CAST: variants seen among roughly 807,000 people sequenced by gnomAD.
CAST encodes the protein calpastatin.
Under a neutral mutation model 119.6 loss-of-function variants are expected in CAST, and 76 were observed. That is an observed-to-expected ratio of 0.64 (90% CI 0.53 to 0.77). CAST has a LOEUF of 0.77. CAST is among the 30% of genes least tolerant of loss of function. The pLI, the probability that CAST is intolerant of heterozygous loss-of-function variation, is 0.00. For missense variants in CAST, 953 were observed against 946.5 expected (o/e 1.01, Z -0.09); for synonymous variants, 319 against 331.6 (o/e 0.96, Z 0.41).
At chr5:96,746,933 T>TA (rs1301549460) in intron 17 of CAST, among the ~76,000 whole-genome samples, 1 of 152,204 alleles carries the variant, frequency 6.6e-6, no homozygotes, top group Non-Finnish European at 1.5e-5. Context: ...GGAATATAGT[T>TA]ACAATTCTAA....
intron 1 of CAST, among the ~76,000 whole-genome samples, chr5:96,623,152 C>T (rs1489458020): frequency 6.6e-6 from 1 of 152,178 alleles, no homozygotes; most frequent in African/African-American, 2.4e-5. Context: ...GCATGAGCCA[C>T]TGCACCCAGC....
At chr5:96,492,026 T>C in the CAST span, among the ~76,000 whole-genome samples, 1 of 152,252 alleles carries the variant, frequency 6.6e-6, no homozygotes, top group Non-Finnish European at 1.5e-5. Context: ...GACTCTGGGA[T>C]GCTGGTAATA....
At chr5:96,361,321 C>G in the CAST span, among the ~76,000 whole-genome samples, 1 of 152,206 alleles carries the variant, frequency 6.6e-6, no homozygotes, top group East Asian at 1.9e-4. Context: ...GTTTCGGCCC[C>G]CTTTCCAGGG....
At chr5:96,662,873 C>T (rs969844704) in intron 1 of CAST, 1 of 569,394 alleles carries the variant, frequency 1.8e-6, no homozygotes, top group Non-Finnish European at 3.1e-6. Context: ...GCGCTAAGGC[C>T]GGGCCGCAGG....
intron 1 of CAST, among the ~76,000 whole-genome samples, chr5:96,652,604 C>G (rs1748108059): frequency 6.6e-6 from 1 of 152,212 alleles, no homozygotes; most frequent in African/African-American, 2.4e-5. Flanking sequence ...CTCTGTGTCA[C>G]AGAGCCTCCT....
At chr5:96,716,893 A>T (rs1757280883) in intron 3 of CAST, among the ~76,000 whole-genome samples, 1 of 152,208 alleles carries the variant, frequency 6.6e-6, no homozygotes, top group South Asian at 2.1e-4. Flanking sequence ...ATGATAAGAA[A>T]CTAGATGCTC....
the CAST span, among the ~76,000 whole-genome samples, chr5:96,305,472 C>T: frequency 1.3e-5 from 2 of 152,166 alleles, no homozygotes; most frequent in South Asian, 4.1e-4. Flanking sequence ...TTGACCTGGC[C>T]AGGACTTCCA....
chr5:96,515,468 T>A, the CAST span, among the ~76,000 whole-genome samples: 3 of 151,996 alleles, frequency 2.0e-5, no homozygotes, highest in African/African-American at 7.2e-5. Context: ...GACAGAGAGG[T>A]TTGGCTTCCT....
chr5:96,603,631 CT>C (rs773529783), intron 1 of CAST, among the ~76,000 whole-genome samples: 4 of 151,862 alleles, frequency 2.6e-5, no homozygotes, highest in African/African-American at 4.8e-5. Flanking sequence ...TTACAGTTAA[CT>C]TTTTTTAATA....
At chr5:96,061,180 A>G in the CAST span, among the ~76,000 whole-genome samples, 46 of 152,208 alleles carry the variant, frequency 3.0e-4, no homozygotes, top group African/African-American at 1.1e-3. Context: ...ACACCCCTAA[A>G]AAAGAATCAC....
the CAST span, among the ~76,000 whole-genome samples, chr5:96,498,641 A>T: frequency 2.6e-5 from 4 of 152,264 alleles, no homozygotes; most frequent in Non-Finnish European, 4.4e-5. Context: ...AAAGATCAAG[A>T]TAATACAATT....
chr5:96,506,115 G>A, the CAST span, among the ~76,000 whole-genome samples: 1 of 152,212 alleles, frequency 6.6e-6, no homozygotes, highest in Non-Finnish European at 1.5e-5. Context: ...GGATGAAGTG[G>A]GATAATGAGA....
chr5:96,121,702 G>T, the CAST span, among the ~76,000 whole-genome samples: 1 of 152,154 alleles, frequency 6.6e-6, no homozygotes, highest in Non-Finnish European at 1.5e-5. Flanking sequence ...TAGAGGCAAA[G>T]ATTCCCAGGA....
At chr5:96,567,889 C>T (rs1368226356) in intron 1 of CAST, among the ~76,000 whole-genome samples, 1 of 152,102 alleles carries the variant, frequency 6.6e-6, no homozygotes, top group Admixed American at 6.5e-5. Flanking sequence ...TTTAAAGCCC[C>T]CTCATGATTT....
At chr5:96,570,094 T>C (rs1746544101) in intron 1 of CAST, among the ~76,000 whole-genome samples, 1 of 152,208 alleles carries the variant, frequency 6.6e-6, no homozygotes, top group Non-Finnish European at 1.5e-5. Flanking sequence ...TTGTGAATGT[T>C]TCACAGCACC....
chr5:96,694,623 T>TC (rs1393942779), intron 2 of CAST, among the ~76,000 whole-genome samples: 1 of 152,054 alleles, frequency 6.6e-6, no homozygotes, highest in Non-Finnish European at 1.5e-5. Flanking sequence ...AGAGCGAGAC[T>TC]CCATCTCAAA....
At chr5:96,190,925 T>A in the CAST span, among the ~76,000 whole-genome samples, 1 of 152,200 alleles carries the variant, frequency 6.6e-6, no homozygotes, top group Non-Finnish European at 1.5e-5. Context: ...GTTGCCATCT[T>A]CATGTCAATG....
At chr5:96,010,934 T>C in the CAST span, among the ~76,000 whole-genome samples, 1 of 152,220 alleles carries the variant, frequency 6.6e-6, no homozygotes, top group African/African-American at 2.4e-5. Context: ...ATGTTACTGA[T>C]TTTTGTACAT....
In CAST at chr5:96,757,531, T is replaced by C. The variant is rs1766580050; in HGVS notation, c.1761+37T>C. 4 of 1,612,576 alleles carry C rather than the reference T, an allele frequency of 2.5e-6. No individual in the cohort carries two copies. In the Admixed American group the frequency reaches 6.7e-5, roughly 27 times the overall value. On this transcript the variant is annotated intron_variant, in intron 23 of 31. Coordinates refer to ENST00000675179, the MANE Select transcript of CAST (RefSeq NM_001750.7). ...AGTTTTCTCTGAGGATATCTTTTCC[T>C]TTTGGCCCTGATTGCAATGGTGTTT...
Sources: allele counts gnomAD v4.1 joint callset (sites outside exome capture counted in the v4.1 genomes callset), GRCh38; gene constraint gnomAD v4.1.1; transcripts MANE v1.5; gene names NCBI Gene and HGNC (gene_info 2026-07-23, HGNC 2026-07-21).